The following CACNA2D3 variants were observed in gnomAD, a reference collection of about 807,000 sequenced individuals.
CACNA2D3 encodes the protein voltage-dependent calcium channel subunit alpha-2/delta-3.
CACNA2D3 carries 60 observed loss-of-function variants against 160.6 expected under a neutral mutation model. The ratio of observed to expected loss-of-function variants is 0.37; its 90% CI spans 0.30 to 0.46. The LOEUF (loss-of-function observed/expected upper bound fraction) is 0.46. Among genes scored for constraint, CACNA2D3 ranks in the 20% least tolerant of loss-of-function variants. The pLI is 1.00. For synonymous variants in CACNA2D3, 558 were observed against 492.9 expected (o/e 1.13, Z -1.75); for missense variants, 1,205 against 1,365.0 (o/e 0.88, Z 1.85).
At chr3:54,377,235 C>T (rs1699027768) in intron 3 of CACNA2D3, among the ~76,000 whole-genome samples, 1 of 152,212 alleles carries the variant, frequency 6.6e-6, no homozygotes, top group Non-Finnish European at 1.5e-5. Flanking sequence ...TCACTGATCA[C>T]AGATTTTACC....
intron 9 of CACNA2D3, among the ~76,000 whole-genome samples, chr3:54,583,996 G>A (rs980281950): frequency 1.3e-5 from 2 of 151,870 alleles, no homozygotes; most frequent in African/African-American, 4.8e-5. Context: ...TACTCCAGCT[G>A]AATATCAACG....
intron 2 of CACNA2D3, among the ~76,000 whole-genome samples, chr3:54,151,003 GATGA>G (rs1322167327): frequency 3.9e-5 from 6 of 152,040 alleles, no homozygotes; most frequent in Admixed American, 6.5e-5. Context: ...TGGGTGGATA[GATGA>G]ATGAATGGAT....
chr3:54,778,933 C>T (rs1198646041), intron 13 of CACNA2D3, among the ~76,000 whole-genome samples: 1 of 152,158 alleles, frequency 6.6e-6, no homozygotes, highest in Non-Finnish European at 1.5e-5. Flanking sequence ...ACCACCAATC[C>T]AACAAAGATT....
At chr3:54,158,156 C>A (rs1349857898) in intron 2 of CACNA2D3, among the ~76,000 whole-genome samples, 2 of 152,170 alleles carry the variant, frequency 1.3e-5, no homozygotes, top group African/African-American at 2.4e-5. Context: ...GTATTAGGAG[C>A]CCCTGGCCCT....
At chr3:54,463,693 T>C (rs1328059122) in intron 4 of CACNA2D3, among the ~76,000 whole-genome samples, 1 of 152,222 alleles carries the variant, frequency 6.6e-6, no homozygotes, top group African/African-American at 2.4e-5. Context: ...TCAAAGTTTT[T>C]AACTTTTTTG....
intron 4 of CACNA2D3, among the ~76,000 whole-genome samples, chr3:54,412,367 A>G (rs909435060): frequency 6.6e-5 from 10 of 151,918 alleles, no homozygotes; most frequent in African/African-American, 2.4e-4. Context: ...GGATTTGTTT[A>G]TCTGTTTAGT....
chr3:54,204,301 G>A (rs1481949874), intron 2 of CACNA2D3, among the ~76,000 whole-genome samples: 1 of 151,958 alleles, frequency 6.6e-6, no homozygotes, highest in African/African-American at 2.4e-5. Flanking sequence ...ATTCACATAT[G>A]TATGGAAATA....
At chr3:54,338,827 C>G (rs143229736) in intron 3 of CACNA2D3, among the ~76,000 whole-genome samples, 1 of 152,052 alleles carries the variant, frequency 6.6e-6, no homozygotes, top group African/African-American at 2.4e-5. Context: ...GAGGAAGGAA[C>G]GGCCTGTAAA....
chr3:54,657,989 G>T (rs979041775), intron 11 of CACNA2D3, among the ~76,000 whole-genome samples: 5 of 152,164 alleles, frequency 3.3e-5, no homozygotes, highest in Non-Finnish European at 7.3e-5. Context: ...CTGCTTTCCT[G>T]CCTGAGCAAC....
chr3:54,836,828 G>A (rs535244747), intron 14 of CACNA2D3, among the ~76,000 whole-genome samples: 30 of 152,220 alleles, frequency 2.0e-4, no homozygotes, highest in African/African-American at 6.7e-4. Flanking sequence ...GTGTCTGGGA[G>A]GCAAAATAGT....
At chr3:54,678,751 T>TAAAAAAAA (rs1700289718) in intron 11 of CACNA2D3, among the ~76,000 whole-genome samples, 1 of 75,684 alleles carries the variant, frequency 1.3e-5, no homozygotes, top group Admixed American at 1.5e-4. Context: ...AAAAAAAAAG[T>TAAAAAAAA]TGATGATCAA....
At chr3:54,953,976 G>C (rs1040929176) in intron 27 of CACNA2D3, among the ~76,000 whole-genome samples, 2 of 152,208 alleles carry the variant, frequency 1.3e-5, no homozygotes, top group Non-Finnish European at 1.5e-5. Flanking sequence ...TCAGTCCACA[G>C]ATTTCAGGAG....
At chr3:54,464,120 G>A (rs1462884665) in intron 4 of CACNA2D3, among the ~76,000 whole-genome samples, 3 of 152,128 alleles carry the variant, frequency 2.0e-5, no homozygotes, top group Non-Finnish European at 4.4e-5. Flanking sequence ...CTGTCTGATC[G>A]TTCCTCTGGA....
In CACNA2D3 at chr3:54,653,084, A is replaced by G. The variant is rs1323994086; in HGVS notation, c.1167+10843A>G. On this transcript the variant is annotated intron_variant, in intron 11 of 37. Coordinates refer to ENST00000474759, the MANE Select transcript of CACNA2D3 (RefSeq NM_018398.3). ...AGGCATGAGCCACCGTGCCGGACATATGGGAGGCTTTTGAATGGAGAGGAG... is the reference window on the plus strand; with the variant it reads ...AGGCATGAGCCACCGTGCCGGACATGTGGGAGGCTTTTGAATGGAGAGGAG... Among the ~76,000 whole-genome samples the G allele has an allele frequency of 2.0e-5, 3 of 152,088 alleles. 1 individual carries two copies. The highest frequency in any genetic ancestry group is 2.0e-4 in the Admixed American group (3 of 15,270).
intron 13 of CACNA2D3, among the ~76,000 whole-genome samples, chr3:54,809,045 A>G (rs1165303848): frequency 6.6e-6 from 1 of 152,116 alleles, no homozygotes; most frequent in East Asian, 1.9e-4. Flanking sequence ...TGTTATTACT[A>G]CTGTTTTACG....
At chr3:54,353,280 G>A (rs776704586) in intron 3 of CACNA2D3, among the ~76,000 whole-genome samples, 6 of 152,160 alleles carry the variant, frequency 3.9e-5, no homozygotes, top group Non-Finnish European at 2.9e-5. Context: ...TGAAAGAAAT[G>A]CAGAGATGGA....
chr3:54,498,633 T>G (rs746212368), intron 4 of CACNA2D3, among the ~76,000 whole-genome samples: 5 of 151,950 alleles, frequency 3.3e-5, no homozygotes, highest in Non-Finnish European at 7.4e-5. Flanking sequence ...TTTATTCATC[T>G]TTTTAATACC....
At chr3:55,056,451 C>T (rs757062516) in intron 35 of CACNA2D3, among the ~76,000 whole-genome samples, 10 of 152,212 alleles carry the variant, frequency 6.6e-5, no homozygotes, top group East Asian at 1.9e-4. Context: ...ATCCTACTTC[C>T]GGGTATTTAC....
intron 11 of CACNA2D3, among the ~76,000 whole-genome samples, chr3:54,679,100 T>G (rs1022373671): frequency 2.0e-5 from 3 of 152,294 alleles, no homozygotes; most frequent in East Asian, 1.9e-4. Context: ...CTCTTGCCCT[T>G]TAAGACCCAA....
Sources: allele counts gnomAD v4.1 joint callset (sites outside exome capture counted in the v4.1 genomes callset), GRCh38; gene constraint gnomAD v4.1.1; transcripts MANE v1.5; gene names NCBI Gene and HGNC (gene_info 2026-07-23, HGNC 2026-07-21).